Variants in NEB observed in about 807,000 individuals in gnomAD.
The protein encoded by NEB is nebulin.
Under a neutral mutation model 952.2 loss-of-function variants are expected in NEB, and 512 were observed. The ratio of observed to expected loss-of-function variants is 0.54; its 90% CI spans 0.50 to 0.58. NEB has a LOEUF of 0.58. NEB is among the 20% of genes least tolerant of loss of function. The pLI is 0.00. For synonymous variants in NEB, 2,900 were observed against 3,149.8 expected (o/e 0.92, Z 2.66); for missense variants, 8,428 against 9,231.1 (o/e 0.91, Z 3.56).
intron 10 of NEB, among the ~76,000 whole-genome samples, chr2:151,712,019 A>G (rs2099746773): frequency 6.6e-6 from 1 of 152,158 alleles, no homozygotes; most frequent in African/African-American, 2.4e-5. Context: ...ACTTATAGAA[A>G]TGTTTCTCAT....
At chr2:151,727,627 G>C (rs1447378378) in intron 5 of NEB, 64 bp downstream of exon 5, 3 of 1,481,022 alleles carry the variant, frequency 2.0e-6, no homozygotes, top group Non-Finnish European at 1.9e-6. Context: ...CCAAAACAGA[G>C]TGAGTTGAGA....
At chr2:151,691,760 CCTT>C in intron 23 of NEB, 101 bp downstream of exon 23, 1 of 892,196 alleles carries the variant, frequency 1.1e-6, no homozygotes, top group Non-Finnish European at 1.8e-6. Context: ...GTAATTATCT[CCTT>C]CTAATCACTA....
chr2:151,679,689 A>C, intron 32 of NEB, 32 bp downstream of exon 32: 2 of 574,832 alleles, frequency 3.5e-6, no homozygotes, highest in Non-Finnish European at 6.0e-6. Flanking sequence ...CACATTTTCT[A>C]GTTGCCCATG....
chr2:151,543,185 T>C (rs1013397389), intron 135 of NEB, among the ~76,000 whole-genome samples: 5 of 152,090 alleles, frequency 3.3e-5, no homozygotes, highest in Non-Finnish European at 1.5e-5. Context: ...TAAAAAATAA[T>C]AGTTGCTAAT....
rs745485126 is a variant in NEB at position 151,639,262 on chromosome 2, CAA to C, written c.8994+16_8994+17del. 710 of 1,513,278 alleles carry C rather than the reference CAA, an allele frequency of 4.7e-4. 3 individuals are homozygous for C. Among genetic ancestry groups the C allele is most frequent in the South Asian group, 2.6e-3 (220 of 83,518 alleles). 93.7% of individuals were successfully genotyped at this position (1,513,278 alleles called of 1,614,324 possible). A position where few individuals can be genotyped will look rare whatever the true frequency, so the allele number is the denominator to read the frequency against. On this transcript the variant is annotated intron_variant, in intron 63 of 181. Coordinates refer to ENST00000397345, the MANE Select transcript of NEB (RefSeq NM_001164508.2). ...GAAATAAGCAGCAGTGTGCAAATGT[CAA>C]AGAATCTGCTCTCACCTCACTGTAG...
chr2:151,618,698 CT>C (rs1427210505), intron 73 of NEB, among the ~76,000 whole-genome samples: 1 of 152,004 alleles, frequency 6.6e-6, no homozygotes, highest in African/African-American at 2.4e-5. Flanking sequence ...AAAAGATCTT[CT>C]TTTAAAGTAA....
At position 151,517,643 on chromosome 2, in the gene NEB, T is replaced by C. The variant is rs888561977; in HGVS notation, c.22800+675A>G. ...TATAGCCTACTACACACCTAGGCTATATGGTATGGCCTGTTGCTCCTAGGC... is the reference window on the plus strand; with the variant it reads ...TATAGCCTACTACACACCTAGGCTACATGGTATGGCCTGTTGCTCCTAGGC... On this transcript the variant is annotated intron_variant, in intron 156 of 181. Transcript: ENST00000397345. Among the ~76,000 whole-genome samples the C allele has an allele frequency of 3.3e-5, 5 of 152,220 alleles. 1 individual carries two copies. Among genetic ancestry groups the C allele is most frequent in the Non-Finnish European group, 7.3e-5 (5 of 68,042 alleles).
intron 13 of NEB, among the ~76,000 whole-genome samples, chr2:151,698,388 ACT>A (rs2099613057): frequency 6.6e-6 from 1 of 151,860 alleles, no homozygotes; most frequent in South Asian, 2.1e-4. Context: ...CACACCAAAA[ACT>A]CTGTAGTTGC....
intron 62 of NEB, 47 bp downstream of exon 62, chr2:151,639,808 TGA>T (rs1221266459): frequency 6.8e-7 from 1 of 1,463,604 alleles, no homozygotes; most frequent in Admixed American, 2.1e-5. Flanking sequence ...TCTTTTTTGT[TGA>T]TTCAGCTTTA....
At chr2:151,621,081 A>T in intron 71 of NEB, 55 bp from the exon 72 acceptor site, 2 of 1,425,992 alleles carry the variant, frequency 1.4e-6, no homozygotes, top group Non-Finnish European at 1.9e-6. Flanking sequence ...CTCGAAAAGT[A>T]TATTTTCTGC....
chr2:151,503,193 A>T (rs1056499627), intron 166 of NEB, 156 bp downstream of exon 166: 23 of 619,860 alleles, frequency 3.7e-5, no homozygotes, highest in Non-Finnish European at 5.1e-5. Flanking sequence ...AATGTGAGTC[A>T]TTTTGTATTA....
At position 151,663,829 on chromosome 2, in the gene NEB, T is replaced by C; in HGVS notation, c.5482A>G (p.Lys1828Glu). 6.2e-7 allele frequency: 1 copy of C among 1,613,802 alleles called. No homozygotes were observed. The highest frequency in any genetic ancestry group is 8.5e-7 in the Non-Finnish European group (1 of 1,179,734). Residue 1828 changes from lysine to glutamate, a missense_variant, in exon 45 of 182, where the codon AAA becomes GAA. By Grantham distance (56) the Lys-to-Glu change is moderately conservative (BLOSUM62 1). This residue lies in a region of NEB where 2,851 missense variants were observed against 2,791.5 expected (regional missense o/e 1.02). Transcript: ENST00000397345. ...YKYKKAYEQAKGKHIGFRSLE... is the reference protein window; with the variant it reads ...YKYKKAYEQAEGKHIGFRSLE... ...CTCCGGAAGCCAATGTGTTTCCCTT[T>C]GGCTTGTTCATAGGCTTTCTTGTAT...
At chr2:151,568,032 C>T in intron 113 of NEB, 39 bp downstream of exon 113, 1 of 1,494,566 alleles carries the variant, frequency 6.7e-7, no homozygotes, top group Non-Finnish European at 9.3e-7. Context: ...GGAGCAAGGT[C>T]CCACTTTTGC....
intron 5 of NEB, 113 bp from the exon 6 acceptor site, chr2:151,725,673 A>C (rs1577953694): frequency 1.2e-6 from 1 of 804,772 alleles, no homozygotes; most frequent in African/African-American, 1.7e-5. Context: ...TATCAATTAT[A>C]ATAGCTTTCT....
rs2154147669 is a variant in NEB, at chr2:151,655,870, T to C, written c.6649A>G (p.Thr2217Ala). 6.2e-7 allele frequency: 1 copy of C among 1,613,826 alleles called. No homozygotes were observed. The highest frequency in any genetic ancestry group is 8.5e-7 in the Non-Finnish European group (1 of 1,179,790). ...GCAAGCACCATGTCCATGGAATCAGTCAGCTTCTTAAACTGGAAGTTGCTC... is the reference window on the plus strand; with the variant it reads ...GCAAGCACCATGTCCATGGAATCAGCCAGCTTCTTAAACTGGAAGTTGCTC... ...HPSNFQFKKLTDSMDMVLAKQ... is the reference protein window; with the variant it reads ...HPSNFQFKKLADSMDMVLAKQ... The change falls in exon 50 of 182, where the codon ACT becomes GCT. Residue 2217 changes from threonine (T) to alanine (A), a missense_variant. By Grantham distance (58) the Thr-to-Ala change is moderately conservative. Transcript: ENST00000397345.
intron 114 of NEB, among the ~76,000 whole-genome samples, chr2:151,566,260 C>T (rs537070329): frequency 2.6e-5 from 4 of 152,272 alleles, no homozygotes; most frequent in Non-Finnish European, 4.4e-5. Flanking sequence ...TAAATATTCA[C>T]GTATTGGGTA....
At chr2:151,728,406 G>C (rs897579138) in intron 4 of NEB, among the ~76,000 whole-genome samples, 1 of 152,164 alleles carries the variant, frequency 6.6e-6, no homozygotes, top group African/African-American at 2.4e-5. Flanking sequence ...ATTCTCCACT[G>C]TAGTAGGAGA....
At chr2:151,620,424 A>G (rs953833336) in intron 72 of NEB, among the ~76,000 whole-genome samples, 2 of 146,352 alleles carry the variant, frequency 1.4e-5, no homozygotes, top group Non-Finnish European at 3.0e-5. Flanking sequence ...AAAAACCTAT[A>G]AAAATGAACA....
chr2:151,581,656 T>A (rs1426418622), intron 102 of NEB, 69 bp from the exon 103 acceptor site: 3 of 1,492,228 alleles, frequency 2.0e-6, no homozygotes, highest in Non-Finnish European at 2.7e-6. Context: ...AATAAAATTA[T>A]AAAGTCATAA....
Sources: gnomAD v4.1 joint callset for allele counts (sites outside exome capture counted in the v4.1 genomes callset) on GRCh38, gnomAD v4.1.1 for gene constraint, gnomAD v4.1.1 regional missense constraint, MANE v1.5 for transcripts, NCBI Gene and HGNC (gene_info 2026-07-23, HGNC 2026-07-21) for gene names.